Variants in ELL2 observed in about 807,000 individuals in gnomAD.
ELL2 encodes the protein RNA polymerase II elongation factor ELL2.
ELL2 carries 21 observed loss-of-function variants against 72.8 expected under a neutral mutation model. That is an observed-to-expected ratio of 0.29 (90% CI 0.20 to 0.42). The LOEUF (loss-of-function observed/expected upper bound fraction) is 0.42. Ranked by LOEUF, ELL2 falls within the 10% of genes least tolerant of loss-of-function variation. The pLI, the probability that ELL2 is intolerant of heterozygous loss-of-function variation, is 1.00. For missense variants in ELL2, 568 were observed against 772.8 expected (o/e 0.73, Z 3.14); for synonymous variants, 266 against 283.2 (o/e 0.94, Z 0.61).
intron 2 of ELL2, among the ~76,000 whole-genome samples, chr5:95,935,194 T>A (rs1750729806): frequency 6.6e-6 from 1 of 152,202 alleles, no homozygotes; most frequent in African/African-American, 2.4e-5. Context: ...ATTGTCTGAT[T>A]ATTCCTGTTA....
chr5:95,888,834 C>T lies in ELL2; in HGVS notation c.*37G>A, dbSNP rs1748551250. 1 of 1,432,020 alleles carries T rather than the reference C, an allele frequency of 7.0e-7. No individual in the cohort carries two copies. The highest frequency in any genetic ancestry group is 2.3e-5 in the Admixed American group (1 of 43,578). 88.7% of individuals were successfully genotyped at this position (1,432,020 alleles called of 1,614,324 possible). A position where few individuals can be genotyped will look rare whatever the true frequency, so the allele number is the denominator to read the frequency against. ...TCATTTGGAATTTTAAATAAATAAG[C>T]TTAAGTTTATTCACATCTTCTGGTC... On this transcript the variant is annotated 3_prime_UTR_variant, in exon 12 of 12. Coordinates refer to ENST00000237853, the MANE Select transcript of ELL2 (RefSeq NM_012081.6).
chr5:95,948,032 A>G (rs1207812305), intron 1 of ELL2, among the ~76,000 whole-genome samples: 2 of 152,206 alleles, frequency 1.3e-5, no homozygotes, highest in Non-Finnish European at 2.9e-5. Flanking sequence ...TTCTTTTAAG[A>G]TATCTAGCAA....
At chr5:95,961,430 C>A in intron 1 of ELL2, 145 bp downstream of exon 1, 2 of 1,032,512 alleles carry the variant, frequency 1.9e-6, no homozygotes, top group Non-Finnish European at 1.3e-6. Context: ...AGCCACCCTG[C>A]CCGGCCCTGC....
chr5:95,914,039 A>C (rs1336120282), intron 3 of ELL2, 105 bp from the exon 4 acceptor site: 2 of 970,618 alleles, frequency 2.1e-6, no homozygotes, highest in Non-Finnish European at 2.8e-6. Flanking sequence ...CTAAGTTTGC[A>C]ATCCTAAAAT....
At position 95,927,804 on chromosome 5, in the gene ELL2, CAT is replaced by C. The variant is rs770035717; in HGVS notation, c.196-8261_196-8260del. Among the ~76,000 whole-genome samples, 21 of 99,598 alleles carry C rather than the reference CAT, an allele frequency of 2.1e-4. 1 individual carries two copies. The highest frequency in any genetic ancestry group is 3.2e-4 in the Non-Finnish European group (17 of 53,840). The allele number at this position is 99,598 out of a possible 152,430, so 65.3% of individuals were successfully genotyped here. A position where few individuals can be genotyped will look rare whatever the true frequency, so the allele number is the denominator to read the frequency against. Reference sequence around the variant, plus strand: ...GTGTGTATATAGACATACACACACACATATGTGTGTATATAGACATACACACA... The same window carrying C: ...GTGTGTATATAGACATACACACACACATGTGTGTATATAGACATACACACA... On this transcript the variant is annotated intron_variant, in intron 2 of 11. Transcript: ENST00000237853.
chr5:95,907,010 G>A (rs529868225), intron 4 of ELL2, among the ~76,000 whole-genome samples: 2 of 152,146 alleles, frequency 1.3e-5, no homozygotes, highest in Admixed American at 1.3e-4. Flanking sequence ...GAAATAATAT[G>A]TATAATGCAT....
In ELL2 at chr5:95,888,113, A is replaced by C. The variant is rs545518961; in HGVS notation, c.*758T>G. On this transcript the variant is annotated 3_prime_UTR_variant, in exon 12 of 12. Transcript: ENST00000237853. Reference sequence around the variant, plus strand: ...ATCCACACCACCTCTGCACACATACAGATCGAGCACACACTTCCAGATGCT... The same window carrying C: ...ATCCACACCACCTCTGCACACATACCGATCGAGCACACACTTCCAGATGCT... The C allele has an allele frequency of 1.3e-5, 2 of 152,612 alleles. No individual in the cohort carries two copies. The highest frequency in any genetic ancestry group is 2.9e-5 in the Non-Finnish European group (2 of 68,022). The allele number at this position is 152,612 out of a possible 1,614,324, so 9.5% of individuals were successfully genotyped here.
intron 2 of ELL2, among the ~76,000 whole-genome samples, chr5:95,938,676 T>G (rs1274578244): frequency 6.6e-6 from 1 of 152,094 alleles, no homozygotes; most frequent in African/African-American, 2.4e-5. Flanking sequence ...AAGCTATGAT[T>G]GTGCCACTTC....
chr5:95,897,576 TCCTAAAGCTTTGAAATGGCTAATTTTACA>T (rs1339123627), intron 8 of ELL2, among the ~76,000 whole-genome samples: 11 of 152,344 alleles, frequency 7.2e-5, no homozygotes, highest in Middle Eastern at 3.4e-3. Flanking sequence ...GCATTTAAGC[TCCTAAAGCTTTGAAATGGCTAATTTTACA>T]AATAACAATT....
At chr5:95,916,749 A>G (rs1412599952) in intron 3 of ELL2, among the ~76,000 whole-genome samples, 1 of 57,976 alleles carries the variant, frequency 1.7e-5, no homozygotes, top group African/African-American at 1.5e-4. Context: ...ATGCCAAAGG[A>G]AAAAAAAAAA....
chr5:95,905,608 G>T (rs1432514039), intron 5 of ELL2, among the ~76,000 whole-genome samples: 1 of 152,142 alleles, frequency 6.6e-6, no homozygotes, highest in East Asian at 1.9e-4. Flanking sequence ...GAGATACCTT[G>T]GGGACTGGCT....
rs1750674923 is a variant in ELL2 at position 95,933,605 on chromosome 5, C to G, written c.195+9397G>C. On this transcript the variant is annotated intron_variant, in intron 2 of 11. Transcript: ENST00000237853. ...AGAAATTGAATAAAACTGTTTTTCACTATTAGGGACCCTTTTATTACTCAT... is the reference window on the plus strand; with the variant it reads ...AGAAATTGAATAAAACTGTTTTTCAGTATTAGGGACCCTTTTATTACTCAT... Among the ~76,000 whole-genome samples, 12 of 152,154 alleles carry G rather than the reference C, an allele frequency of 7.9e-5. No individual in the cohort carries two copies. In the South Asian group the frequency reaches 2.5e-3, roughly 32 times the overall value.
chr5:95,959,700 T>C (rs1751743187), intron 1 of ELL2, among the ~76,000 whole-genome samples: 2 of 152,188 alleles, frequency 1.3e-5, no homozygotes, highest in African/African-American at 4.8e-5. Flanking sequence ...TTTCACTGTA[T>C]GTAGGACGGT....
At chr5:95,916,638 G>A (rs1272251104) in intron 3 of ELL2, among the ~76,000 whole-genome samples, 2 of 152,162 alleles carry the variant, frequency 1.3e-5, no homozygotes, top group African/African-American at 4.8e-5. Flanking sequence ...CAGTGGAATG[G>A]TGGGCACTGA....
At chr5:95,893,535 G>A (rs1457326643) in intron 9 of ELL2, among the ~76,000 whole-genome samples, 5 of 152,086 alleles carry the variant, frequency 3.3e-5, no homozygotes, top group East Asian at 1.9e-4. Flanking sequence ...ACAGGCACCC[G>A]CCACCACGCT....
intron 1 of ELL2, 33 bp downstream of exon 1, chr5:95,961,542 C>G: frequency 6.5e-7 from 1 of 1,544,306 alleles, no homozygotes; most frequent in Non-Finnish European, 8.7e-7. Flanking sequence ...CGCTCTGCCT[C>G]TCTGAGCCCA....
intron 1 of ELL2, among the ~76,000 whole-genome samples, chr5:95,960,509 G>A (rs1474924177): frequency 6.6e-6 from 1 of 151,952 alleles, no homozygotes; most frequent in Non-Finnish European, 1.5e-5. Flanking sequence ...CTGTACTGGA[G>A]GGGTGTGTGT....
chr5:95,921,643 A>C (rs1225497737), intron 2 of ELL2, among the ~76,000 whole-genome samples: 1 of 152,242 alleles, frequency 6.6e-6, no homozygotes, highest in Non-Finnish European at 1.5e-5. Flanking sequence ...CAGGAGCCAA[A>C]GGAATGCTTG....
intron 2 of ELL2, among the ~76,000 whole-genome samples, chr5:95,940,169 A>C (rs1040037797): frequency 6.6e-6 from 1 of 152,190 alleles, no homozygotes; most frequent in Non-Finnish European, 1.5e-5. Flanking sequence ...ACCTTTTTCC[A>C]TTAAGGAACA....
Sources: allele counts gnomAD v4.1 joint callset (sites outside exome capture counted in the v4.1 genomes callset), GRCh38; gene constraint gnomAD v4.1.1; transcripts MANE v1.5; gene names NCBI Gene and HGNC (gene_info 2026-07-23, HGNC 2026-07-21).